Variants in LETM1 observed in about 807,000 individuals in gnomAD.
LETM1 encodes mitochondrial proton/calcium exchanger protein.
In LETM1, 50 loss-of-function variants were observed where a neutral mutation model predicts 74.5. That is an observed-to-expected ratio of 0.67 (90% CI 0.53 to 0.85). LETM1 has a LOEUF of 0.85. Ranked by LOEUF, LETM1 falls within the 40% of genes least tolerant of loss-of-function variation. The pLI is 0.00. For missense variants in LETM1, 824 were observed against 967.8 expected, an observed-to-expected ratio of 0.85 and a Z score of 1.97; for synonymous variants, 446 against 407.1, an observed-to-expected ratio of 1.10 and a Z score of -1.15.
intron 7 of LETM1, among the ~76,000 whole-genome samples, chr4:1,824,528 G>C (rs1466058030): frequency 3.9e-5 from 6 of 152,156 alleles, no homozygotes; most frequent in African/African-American, 1.4e-4. Context: ...CAAAACATGA[G>C]AACAAACCCT....
At chr4:1,853,604 G>A (rs536847388) in intron 1 of LETM1, among the ~76,000 whole-genome samples, 33 of 152,346 alleles carry the variant, frequency 2.2e-4, no homozygotes, top group African/African-American at 6.5e-4. Context: ...AAGCCTGAGA[G>A]GCAATCAAGA....
chr4:1,829,514 TG>T (rs780908744), intron 6 of LETM1, among the ~76,000 whole-genome samples: 63 of 152,382 alleles, frequency 4.1e-4, no homozygotes, highest in Non-Finnish European at 7.8e-4. Context: ...TTTCCCCTAA[TG>T]GTAAAGATGC....
chr4:1,823,231 C>T lies in LETM1; in HGVS notation c.1333-100G>A, dbSNP rs924204960. 1.2e-4 allele frequency: 163 copies of T among 1,394,698 alleles called. 1 individual carries two copies. Among genetic ancestry groups the T allele is most frequent in the Non-Finnish European group, 1.5e-4 (155 of 1,034,998 alleles). The allele number at this position is 1,394,698 out of a possible 1,614,324, so 86.4% of individuals were successfully genotyped here. On this transcript the variant is annotated intron_variant, in intron 8 of 13. Coordinates refer to ENST00000302787, the MANE Select transcript of LETM1 (RefSeq NM_012318.3). The stretch of plus-strand genomic sequence containing the variant: ...TGTCCTGTGTCCCCTGCCCCGTCAC[C>T]ACCTGGGCTTCACACACACAGGACA...
At chr4:1,821,927 A>T (rs1711791195) in intron 10 of LETM1, among the ~76,000 whole-genome samples, 1 of 152,204 alleles carries the variant, frequency 6.6e-6, no homozygotes, top group African/African-American at 2.4e-5. Context: ...ACTGTGGGCC[A>T]GGGTGCTAAG....
At chr4:1,841,296 C>T (rs577971861) in intron 3 of LETM1, 51 bp downstream of exon 3, 1 of 1,544,898 alleles carries the variant, frequency 6.5e-7, no homozygotes, top group East Asian at 2.3e-5. Context: ...GCACTCCAGC[C>T]TGGGTGATAG....
At chr4:1,829,060 C>T (rs1386502012) in intron 6 of LETM1, among the ~76,000 whole-genome samples, 11 of 120,506 alleles carry the variant, frequency 9.1e-5, no homozygotes, top group Admixed American at 8.1e-4. Context: ...CACCTCCCTC[C>T]TGGACGGGGC....
At chr4:1,825,754 T>C in intron 6 of LETM1, 71 bp from the exon 7 acceptor site, 1 of 1,500,304 alleles carries the variant, frequency 6.7e-7, no homozygotes, top group African/African-American at 1.4e-5. Context: ...GTGAACACCC[T>C]CCAGAATAAG....
Position 1,812,044 on chromosome 4 carries a change from A to C in LETM1, c.*2380T>G, listed in dbSNP as rs1251580075. On this transcript the variant is annotated 3_prime_UTR_variant, in exon 14 of 14. Coordinates refer to ENST00000302787, the MANE Select transcript of LETM1 (RefSeq NM_012318.3). Reference sequence around the variant, plus strand: ...AAACACTGTCTCTAATAAAAATACAAAAAAATTAGCCAGGTGTGGTGGCGG... The same window carrying C: ...AAACACTGTCTCTAATAAAAATACACAAAAATTAGCCAGGTGTGGTGGCGG... 4 of 152,060 alleles carry C rather than the reference A, an allele frequency of 2.6e-5. No individual in the cohort carries two copies. The highest frequency in any genetic ancestry group is 5.9e-5 in the Non-Finnish European group (4 of 68,016). 9.4% of individuals were successfully genotyped at this position (152,060 alleles called of 1,614,324 possible).
chr4:1,845,743 C>T (rs1207614411), intron 2 of LETM1, among the ~76,000 whole-genome samples: 3 of 151,988 alleles, frequency 2.0e-5, no homozygotes, highest in Admixed American at 6.6e-5. Flanking sequence ...GATGAAGTTT[C>T]GCCATGTTGG....
chr4:1,851,548 G>A (rs1050681578), intron 1 of LETM1, among the ~76,000 whole-genome samples: 1 of 152,202 alleles, frequency 6.6e-6, no homozygotes, highest in Non-Finnish European at 1.5e-5. Context: ...CTGGGAGCTG[G>A]GTTAAGGGGA....
chr4:1,840,134 T>C (rs1244947643), intron 3 of LETM1, among the ~76,000 whole-genome samples: 1 of 152,210 alleles, frequency 6.6e-6, no homozygotes, highest in Non-Finnish European at 1.5e-5. Context: ...TCCCAGCACT[T>C]TGCGAGGCCA....
At chr4:1,828,519 C>CG (rs1712108982) in intron 6 of LETM1, among the ~76,000 whole-genome samples, 1 of 102,208 alleles carries the variant, frequency 9.8e-6, no homozygotes, top group Non-Finnish European at 2.0e-5. Flanking sequence ...CCCCCCCCCC[C>CG]ACCTCCCTCC....
At chr4:1,839,588 C>T (rs1349091115) in intron 3 of LETM1, among the ~76,000 whole-genome samples, 1 of 152,262 alleles carries the variant, frequency 6.6e-6, no homozygotes, top group African/African-American at 2.4e-5. Context: ...GTATTGGTTC[C>T]TGGCTCTACT....
At chr4:1,835,484 C>CAAAAA (rs554269812) in intron 4 of LETM1, among the ~76,000 whole-genome samples, 92 of 151,618 alleles carry the variant, frequency 6.1e-4, no homozygotes, top group African/African-American at 2.1e-3. Flanking sequence ...AACAAACAAA[C>CAAAAA]AAAAACAAAC....
In LETM1 at chr4:1,813,672, C is replaced by T. The variant is rs1447450798; in HGVS notation, c.*752G>A. 1 of 152,524 alleles carries T rather than the reference C, an allele frequency of 6.6e-6. No individual in the cohort carries two copies. Among genetic ancestry groups the T allele is most frequent in the East Asian group, 1.9e-4 (1 of 5,276 alleles). 9.4% of individuals were successfully genotyped at this position (152,524 alleles called of 1,614,324 possible). On this transcript the variant is annotated 3_prime_UTR_variant, in exon 14 of 14. Coordinates refer to ENST00000302787, the MANE Select transcript of LETM1 (RefSeq NM_012318.3). The stretch of plus-strand genomic sequence containing the variant: ...AAGAACCCCAAATGCGCTTCAGAGC[C>T]CCACCAACCCCCAAGCCAGGCTCAT...
At chr4:1,845,998 C>A (rs1344254192) in intron 2 of LETM1, among the ~76,000 whole-genome samples, 1 of 151,534 alleles carries the variant, frequency 6.6e-6, no homozygotes, top group African/African-American at 2.4e-5. Context: ...CCTGGGACTA[C>A]AGGCGCGCAC....
At chr4:1,828,462 C>T (rs1252381862) in intron 6 of LETM1, among the ~76,000 whole-genome samples, 5 of 109,376 alleles carry the variant, frequency 4.6e-5, no homozygotes, top group Non-Finnish European at 3.8e-5. Flanking sequence ...CGGGCAGAGG[C>T]GCCCCTCACC....
At chr4:1,844,569 T>G (rs987707410) in intron 2 of LETM1, among the ~76,000 whole-genome samples, 4 of 151,934 alleles carry the variant, frequency 2.6e-5, no homozygotes, top group African/African-American at 7.3e-5. Context: ...CTGTCTCTAC[T>G]AAAACTACAA....
At position 1,822,245 on chromosome 4, in the gene LETM1, A is replaced by G; in HGVS notation, c.1544T>C (p.Met515Thr). ...CTCTGACTGCAGGACTGTGTCAGGC[A>G]TTTCTGGCTGTGGCTCGGTCCCCGG... Reference protein sequence around the residue: ...QRPGTEPQPEMPDTVLQSETL... With the variant: ...QRPGTEPQPETPDTVLQSETL... The change falls in exon 10 of 14, where the codon ATG becomes ACG. Residue 515 changes from methionine (M) to threonine (T), a missense_variant. This residue lies in a region of LETM1 where 172 missense variants were observed against 170.7 expected (regional missense o/e 1.01). Coordinates refer to ENST00000302787, the MANE Select transcript of LETM1 (RefSeq NM_012318.3). The G allele has an allele frequency of 6.5e-7, 1 of 1,549,630 alleles. No individual in the cohort carries two copies. Among genetic ancestry groups the G allele is most frequent in the Non-Finnish European group, 8.8e-7 (1 of 1,141,170 alleles).
Sources: allele counts gnomAD v4.1 joint callset (sites outside exome capture counted in the v4.1 genomes callset), GRCh38; gene constraint gnomAD v4.1.1; regional missense constraint gnomAD v4.1.1; transcripts MANE v1.5; gene names NCBI Gene and HGNC (gene_info 2026-07-23, HGNC 2026-07-21).